NDST4: variants seen among roughly 807,000 people sequenced by gnomAD.
NDST4 encodes the protein N-heparan sulfate sulfotransferase 4.
Under a neutral mutation model 100.8 loss-of-function variants are expected in NDST4, and 63 were observed. The observed-to-expected ratio is 0.62, with a 90% confidence interval of 0.51 to 0.77. The LOEUF is 0.77. Among genes scored for constraint, NDST4 ranks in the 30% least tolerant of loss-of-function variants. The pLI, the probability that NDST4 is intolerant of heterozygous loss-of-function variation, is 0.00. For missense variants in NDST4, 943 were observed against 1,018.4 expected (o/e 0.93, Z 1.01); for synonymous variants, 377 against 361.8 (o/e 1.04, Z -0.48).
chr4:114,920,221 T>A (rs1301687632), intron 6 of NDST4, among the ~76,000 whole-genome samples: 3 of 152,246 alleles, frequency 2.0e-5, no homozygotes, highest in Non-Finnish European at 2.9e-5. Flanking sequence ...GTGTGATATA[T>A]TTAATTTCTT....
intron 1 of NDST4, among the ~76,000 whole-genome samples, chr4:115,090,532 T>C (rs1338073917): frequency 6.6e-6 from 1 of 151,976 alleles, no homozygotes; most frequent in Non-Finnish European, 1.5e-5. Flanking sequence ...AACAGATTTG[T>C]TAATTATATT....
In NDST4 at chr4:114,901,453, C is replaced by T. The variant is rs117168268; in HGVS notation, c.1537-30503G>A. ...TCTGAAGTTAATATATCTACTGCCA[C>T]ATTCTTTTGACTAGTGTTAGAATGA... is the stretch of plus-strand genomic sequence containing the variant. On this transcript the variant is annotated intron_variant, in intron 6 of 13. Coordinates refer to ENST00000264363, the MANE Select transcript of NDST4 (RefSeq NM_022569.3). Among the ~76,000 whole-genome samples the T allele has an allele frequency of 2.7e-3, 415 of 152,130 alleles. 10 individuals are homozygous for T. The East Asian group carries it at 0.063, about 23-fold the overall frequency.
chr4:114,847,094 C>CATTGCAAACAGGTTCATGCAT (rs1553948317), intron 9 of NDST4, among the ~76,000 whole-genome samples: 1 of 148,892 alleles, frequency 6.7e-6, no homozygotes, highest in African/African-American at 2.6e-5. Flanking sequence ...ATGTGTCTTT[C>CATTGCAAACAGGTTCATGCAT]GGCCGGGCGC....
chr4:114,887,812 A>G (rs1354241853), intron 6 of NDST4, among the ~76,000 whole-genome samples: 1 of 152,056 alleles, frequency 6.6e-6, no homozygotes, highest in Admixed American at 6.6e-5. Context: ...GGGGACATTT[A>G]CTCACCAATT....
intron 4 of NDST4, among the ~76,000 whole-genome samples, chr4:114,953,453 A>G (rs534301118): frequency 3.0e-4 from 45 of 152,266 alleles, no homozygotes; most frequent in African/African-American, 9.4e-4. Context: ...AAGTAGAAAC[A>G]GTAGACACAA....
intron 2 of NDST4, among the ~76,000 whole-genome samples, chr4:115,070,829 G>T (rs1052377197): frequency 1.5e-4 from 23 of 152,106 alleles, no homozygotes; most frequent in African/African-American, 5.3e-4. Flanking sequence ...TTCTGGCCGG[G>T]CACGGTGGCT....
Position 114,872,762 on chromosome 4 carries a change from C to T in NDST4, c.1537-1812G>A, listed in dbSNP as rs557101417. 3.3e-5 allele frequency among the ~76,000 whole-genome samples: 5 copies of T among 151,994 alleles called. No homozygotes were observed. In the South Asian group the frequency reaches 1.0e-3, roughly 32 times the overall value. On this transcript the variant is annotated intron_variant, in intron 6 of 13. Coordinates refer to ENST00000264363, the MANE Select transcript of NDST4 (RefSeq NM_022569.3). Reference sequence around the variant, plus strand: ...CTTTTACAGATGAAAAAAAATGAAGCACAGAGCAGTTAAGTAACTTGTTCA... The same window carrying T: ...CTTTTACAGATGAAAAAAAATGAAGTACAGAGCAGTTAAGTAACTTGTTCA...
intron 1 of NDST4, among the ~76,000 whole-genome samples, chr4:115,086,200 T>G (rs1469570080): frequency 1.3e-5 from 2 of 152,202 alleles, no homozygotes; most frequent in African/African-American, 4.8e-5. Flanking sequence ...ATGAAATGGT[T>G]GATATCACAT....
intron 13 of NDST4, among the ~76,000 whole-genome samples, chr4:114,829,589 T>C (rs921536573): frequency 6.6e-6 from 1 of 152,194 alleles, no homozygotes; most frequent in Non-Finnish European, 1.5e-5. Flanking sequence ...TAGGAATGTA[T>C]ATTAATTTTA....
At chr4:114,935,968 A>T (rs138586262) in intron 5 of NDST4, among the ~76,000 whole-genome samples, 6 of 152,224 alleles carry the variant, frequency 3.9e-5, no homozygotes, top group African/African-American at 1.4e-4. Context: ...TTTAATGGAC[A>T]AATGCATCTA....
At chr4:114,884,578 C>T (rs1321006548) in intron 6 of NDST4, among the ~76,000 whole-genome samples, 1 of 152,090 alleles carries the variant, frequency 6.6e-6, no homozygotes, top group Non-Finnish European at 1.5e-5. Flanking sequence ...TTTGTCTAAA[C>T]ACCTCAACAG....
intron 2 of NDST4, among the ~76,000 whole-genome samples, chr4:115,067,572 T>G (rs1013728485): frequency 2.6e-5 from 4 of 151,866 alleles, no homozygotes; most frequent in African/African-American, 9.7e-5. Flanking sequence ...AATTTTAAGA[T>G]TTTATTTTAT....
intron 2 of NDST4, among the ~76,000 whole-genome samples, chr4:115,003,282 A>C (rs992617229): frequency 6.6e-6 from 1 of 152,210 alleles, no homozygotes; most frequent in Non-Finnish European, 1.5e-5. Context: ...GTTTAAAATC[A>C]AACAAAATTT....
At chr4:114,908,253 A>G in intron 6 of NDST4, among the ~76,000 whole-genome samples, 1 of 152,146 alleles carries the variant, frequency 6.6e-6, no homozygotes, top group East Asian at 1.9e-4. Flanking sequence ...GGTGGTACAT[A>G]TATTTAAAGT....
chr4:114,945,093 C>T (rs576076989), intron 4 of NDST4, among the ~76,000 whole-genome samples: 2 of 151,558 alleles, frequency 1.3e-5, no homozygotes, highest in East Asian at 3.9e-4. Flanking sequence ...CCTGTAATCC[C>T]AGCTACTTGG....
At chr4:114,925,990 T>G (rs1725378668) in intron 6 of NDST4, among the ~76,000 whole-genome samples, 1 of 152,032 alleles carries the variant, frequency 6.6e-6, no homozygotes, top group Admixed American at 6.6e-5. Context: ...TTGCTGCATA[T>G]TTTATAGGGT....
At chr4:114,968,425 T>C (rs930309052) in intron 4 of NDST4, among the ~76,000 whole-genome samples, 6 of 152,138 alleles carry the variant, frequency 3.9e-5, no homozygotes, top group African/African-American at 1.4e-4. Flanking sequence ...CAAGGGAAAA[T>C]GTTTCTGTCT....
chr4:114,977,922 G>C (rs1001704723), intron 2 of NDST4, among the ~76,000 whole-genome samples: 3 of 151,898 alleles, frequency 2.0e-5, no homozygotes, highest in Admixed American at 2.0e-4. Context: ...CTAGTTTCTA[G>C]ATTTGGAATT....
At chr4:115,021,040 T>A (rs77119253) in intron 2 of NDST4, among the ~76,000 whole-genome samples, 2,861 of 152,098 alleles carry the variant, frequency 0.019, 96 homozygotes, top group African/African-American at 0.064. Context: ...ACTACCATGA[T>A]CCAGCAATCC....
Sources: allele counts gnomAD v4.1 joint callset (sites outside exome capture counted in the v4.1 genomes callset), GRCh38; gene constraint gnomAD v4.1.1; transcripts MANE v1.5; gene names NCBI Gene and HGNC (gene_info 2026-07-23, HGNC 2026-07-21).